Variants in GRB2 observed in about 807,000 individuals in gnomAD.
The protein encoded by GRB2 is growth factor receptor bound protein 2, also known as growth factor receptor-bound protein 2.
In GRB2, 2 loss-of-function variants were observed where a neutral mutation model predicts 27.4. The ratio of observed to expected loss-of-function variants is 0.07; its 90% CI spans 0.03 to 0.23. The LOEUF (loss-of-function observed/expected upper bound fraction) is 0.23, where lower values mean the gene tolerates loss of function less well. Ranked by LOEUF, GRB2 falls within the 10% of genes least tolerant of loss-of-function variation. GRB2 has a pLI of 1.00. For missense variants in GRB2, 102 were observed against 282.4 expected (o/e 0.36, Z 4.58); for synonymous variants, 94 against 99.6 (o/e 0.94, Z 0.33).
chr17:75,349,508 C>CTTTTTTTT (rs36010389), intron 2 of GRB2, among the ~76,000 whole-genome samples: 2 of 115,910 alleles, frequency 1.7e-5, no homozygotes, highest in East Asian at 2.5e-4. Context: ...ATAACTCAGA[C>CTTTTTTTT]TTTTTTTTTT....
chr17:75,363,784 C>T (rs1453235186), intron 2 of GRB2, among the ~76,000 whole-genome samples: 4 of 138,190 alleles, frequency 2.9e-5, no homozygotes, highest in Non-Finnish European at 6.0e-5. Flanking sequence ...GGCGTGAACC[C>T]GGGAGGTGGA....
Sources: allele counts gnomAD v4.1 joint callset (sites outside exome capture counted in the v4.1 genomes callset), GRCh38; gene constraint gnomAD v4.1.1; transcripts MANE v1.5; gene names NCBI Gene and HGNC (gene_info 2026-07-23, HGNC 2026-07-21).